Variants in FOXP4 observed in about 807,000 individuals in gnomAD.
FOXP4 encodes the protein forkhead box P4, also known as forkhead box protein P4.
FOXP4 carries 25 observed loss-of-function variants against 82.6 expected under a neutral mutation model. That is an observed-to-expected ratio of 0.30 (90% CI 0.22 to 0.42). The LOEUF is 0.42. Among genes scored for constraint, FOXP4 ranks in the 10% least tolerant of loss-of-function variants. FOXP4 has a pLI of 1.00. For synonymous variants in FOXP4, 415 were observed against 388.2 expected (o/e 1.07, Z -0.81); for missense variants, 785 against 900.9 (o/e 0.87, Z 1.65).
At position 41,562,128 on chromosome 6, in the gene FOXP4, C is replaced by A. The variant is rs140526905; in HGVS notation, c.-16-3617C>A. On this transcript the variant is annotated intron_variant, in intron 1 of 16. Coordinates refer to ENST00000307972, the MANE Select transcript of FOXP4 (RefSeq NM_001012426.2). Reference sequence around the variant, plus strand: ...GGAGAGGTGGGCAGGAGACATGAGGCTGCTGGTGTGCTCATCCTTGGCGGG... The same window carrying A: ...GGAGAGGTGGGCAGGAGACATGAGGATGCTGGTGTGCTCATCCTTGGCGGG... Among the ~76,000 whole-genome samples the A allele has an allele frequency of 6.9e-3, 1,050 of 152,342 alleles. 14 individuals carry two copies. The highest frequency in any genetic ancestry group is 0.024 in the African/African-American group (998 of 41,574).
At chr6:41,555,384 G>A (rs1300762005) in intron 1 of FOXP4, among the ~76,000 whole-genome samples, 3 of 152,190 alleles carry the variant, frequency 2.0e-5, no homozygotes, top group Non-Finnish European at 2.9e-5. Flanking sequence ...TCCCTGCCAG[G>A]GTGAGCCCCT....
chr6:41,564,643 C>T (rs1443983455), intron 1 of FOXP4, among the ~76,000 whole-genome samples: 1 of 152,154 alleles, frequency 6.6e-6, no homozygotes, highest in Non-Finnish European at 1.5e-5. Context: ...TAACCTAACT[C>T]TCTGGACCTT....
chr6:41,587,739 G>A, intron 7 of FOXP4, 54 bp from the exon 8 acceptor site: 1 of 1,247,608 alleles, frequency 8.0e-7, no homozygotes, highest in Non-Finnish European at 1.1e-6. Context: ...CTGACTACAG[G>A]GCCGCTGGGG....
chr6:41,577,708 G>C (rs1765563372), intron 2 of FOXP4, among the ~76,000 whole-genome samples: 1 of 151,846 alleles, frequency 6.6e-6, no homozygotes. Flanking sequence ...GTCCCTTTTT[G>C]ACCATGGGCC....
chr6:41,562,291 G>C (rs1301505047), intron 1 of FOXP4, among the ~76,000 whole-genome samples: 1 of 152,180 alleles, frequency 6.6e-6, no homozygotes, highest in Non-Finnish European at 1.5e-5. Flanking sequence ...AAAGACCCTG[G>C]AGGGGGCAGA....
intron 2 of FOXP4, among the ~76,000 whole-genome samples, chr6:41,571,790 G>A (rs938997046): frequency 2.0e-5 from 3 of 151,882 alleles, no homozygotes; most frequent in African/African-American, 7.3e-5. Context: ...CTCTTTGCTG[G>A]AGGACAAAGC....
At chr6:41,598,686 G>A (rs1285638596) in intron 16 of FOXP4, 103 bp from the exon 17 acceptor site, 8 of 1,502,476 alleles carry the variant, frequency 5.3e-6, no homozygotes, top group Non-Finnish European at 7.2e-6. Flanking sequence ...AGGGGGCTGT[G>A]GGCACCCCAC....
At position 41,597,180 on chromosome 6, in the gene FOXP4, C is replaced by T. The variant is rs1268944447; in HGVS notation, c.1663C>T (p.Pro555Ser). Reference protein sequence around the residue: ...KRRPPKMTGSPTLVKNMISGL... With the variant: ...KRRPPKMTGSSTLVKNMISGL... The stretch of plus-strand genomic sequence containing the variant: ...ATGGCCTTCTCTGTCCTCCAGGAGC[C>T]CCACCCTGGTGAAGAACATGATCTC... The change falls in exon 15 of 17, where the codon CCC becomes TCC. Residue 555 changes from proline to serine, a missense_variant. Pro to Ser is a moderately conservative substitution (Grantham distance 74, BLOSUM62 -1). This residue lies in a region of FOXP4 where 184 missense variants were observed against 187.3 expected (regional missense o/e 0.98). Transcript: ENST00000307972. 1 of 1,614,060 alleles carries T rather than the reference C, an allele frequency of 6.2e-7. No homozygotes were observed. Among genetic ancestry groups the T allele is most frequent in the African/African-American group, 1.3e-5 (1 of 74,934 alleles).
chr6:41,575,733 C>T (rs1765444863), intron 2 of FOXP4, among the ~76,000 whole-genome samples: 1 of 142,162 alleles, frequency 7.0e-6, no homozygotes, highest in African/African-American at 2.6e-5. Context: ...GAGCAGGGCT[C>T]TGCCCCCAAC....
rs571252518 is a variant in FOXP4, at chr6:41,599,296, C to T, written c.*360C>T. 12 of 183,118 alleles carry T rather than the reference C, an allele frequency of 6.6e-5. No individual in the cohort carries two copies. The highest frequency in any genetic ancestry group is 5.8e-4 in the East Asian group (4 of 6,954). The allele number at this position is 183,118 out of a possible 1,614,324, so 11.3% of individuals were successfully genotyped here. On this transcript the variant is annotated 3_prime_UTR_variant, in exon 17 of 17. Coordinates refer to ENST00000307972, the MANE Select transcript of FOXP4 (RefSeq NM_001012426.2). ...CCTCAGCATCATGGAGACCCGCAGG[C>T]GGGGCTTAGCCACCCCTCAAACCCA...
chr6:41,567,411 C>T (rs1005800478), intron 2 of FOXP4, among the ~76,000 whole-genome samples: 7 of 152,224 alleles, frequency 4.6e-5, no homozygotes, highest in African/African-American at 9.6e-5. Flanking sequence ...ATCTCCCAAG[C>T]CTTCCTAAGC....
At position 41,587,434 on chromosome 6, in the gene FOXP4, C is replaced by T. The variant is rs781448348; in HGVS notation, c.794C>T (p.Pro265Leu). The change falls in exon 7 of 17, where the codon CCC (proline) becomes CTC (leucine). Residue 265 changes from proline to leucine, a missense_variant. Pro to Leu is a moderately conservative substitution (Grantham distance 98). Around this residue, in one of 3 missense-constraint regions of FOXP4, gnomAD observed 570 missense variants for 634.0 expected, o/e 0.90. Coordinates refer to ENST00000307972, the MANE Select transcript of FOXP4 (RefSeq NM_001012426.2). ...TAATATSFAA[P>L]PKVSPPLSHH... The stretch of plus-strand genomic sequence containing the variant: ...GCCACCGCTACCTCGTTTGCCGCTC[C>T]CCCCAAGGTCTCACCCCCCCTCTCC... 4 of 1,569,842 alleles carry T rather than the reference C, an allele frequency of 2.5e-6. No homozygotes were observed. The highest frequency in any genetic ancestry group is 3.5e-6 in the Non-Finnish European group (4 of 1,157,242).
intron 2 of FOXP4, among the ~76,000 whole-genome samples, chr6:41,568,652 G>A (rs539321135): frequency 2.0e-4 from 30 of 152,158 alleles, no homozygotes; most frequent in Non-Finnish European, 4.0e-4. Context: ...GGTAGGAGAG[G>A]GTCTGTGGAC....
chr6:41,595,082 G>A (rs1262119991), intron 14 of FOXP4, 91 bp downstream of exon 14: 3 of 1,561,276 alleles, frequency 1.9e-6, no homozygotes, highest in African/African-American at 1.4e-5. Context: ...GTACACATGT[G>A]CACCAGATCC....
chr6:41,568,604 G>A (rs1765013638), intron 2 of FOXP4, among the ~76,000 whole-genome samples: 1 of 152,232 alleles, frequency 6.6e-6, no homozygotes, highest in South Asian at 2.1e-4. Flanking sequence ...GCCCTAAGTA[G>A]CCACTCTAGT....
chr6:41,584,715 G>C (rs1254548420), intron 3 of FOXP4, 54 bp from the exon 4 acceptor site: 1 of 1,515,198 alleles, frequency 6.6e-7, no homozygotes, highest in African/African-American at 1.4e-5. Context: ...CCTGGGTGGT[G>C]CCTCCTCCTG....
intron 2 of FOXP4, among the ~76,000 whole-genome samples, chr6:41,572,428 A>G (rs1426480665): frequency 6.6e-6 from 1 of 152,198 alleles, no homozygotes; most frequent in East Asian, 1.9e-4. Flanking sequence ...CTGAGTCCCC[A>G]GTACTGAGGA....
Position 41,591,226 on chromosome 6 carries a change from C to G in FOXP4, c.1440C>G (p.Ile480Met). 2.5e-6 allele frequency: 4 copies of G among 1,607,888 alleles called. No homozygotes were observed. Among genetic ancestry groups the G allele is most frequent in the Non-Finnish European group, 3.4e-6 (4 of 1,177,088 alleles). The stretch of plus-strand genomic sequence containing the variant: ...TGCTTGTTCCTTCCCCGCAGGCCAT[C>G]CTGGAAACCCCTGACAGGCAGCTGA... ...FTYASLIRQA[I>M]LETPDRQLTL... The change falls in exon 13 of 17, where the codon ATC (isoleucine) becomes ATG (methionine). Residue 480 changes from isoleucine (I) to methionine (M), a missense_variant. Physicochemically the swap from Ile to Met is conservative, Grantham distance 10. Transcript: ENST00000307972. This position sits in a 1 kb window ranked among gnomAD's most constrained non-coding sequence, Gnocchi z 4.2.
At position 41,597,900 on chromosome 6, in the gene FOXP4, G is replaced by C; in HGVS notation, c.1845G>C (p.Leu615=). ...HDDVGAPVEP[L]PSNGSSSPPR... ...ACGTGGGTGCCCCCGTGGAGCCGCT[G>C]CCCAGCAACGGCAGCAGCAGCCCTC... Residue 615 remains leucine, a synonymous_variant, in exon 16 of 17, where the codon CTG becomes CTC. Coordinates refer to ENST00000307972, the MANE Select transcript of FOXP4 (RefSeq NM_001012426.2). The C allele has an allele frequency of 6.3e-7, 1 of 1,587,228 alleles. No individual in the cohort carries two copies. The highest frequency in any genetic ancestry group is 1.1e-5 in the South Asian group (1 of 88,306).
Sources: gnomAD v4.1 joint callset for allele counts (sites outside exome capture counted in the v4.1 genomes callset) on GRCh38, gnomAD v4.1.1 for gene constraint, gnomAD v4.1.1 regional missense constraint, Gnocchi (gnomAD v3.1) non-coding constraint, MANE v1.5 for transcripts, NCBI Gene and HGNC (gene_info 2026-07-23, HGNC 2026-07-21) for gene names.